The following AFG3L2 variants were observed in gnomAD, a reference collection of about 807,000 sequenced individuals.
The protein encoded by AFG3L2 is AFG3 like matrix AAA peptidase subunit 2.
In AFG3L2, 54 loss-of-function variants were observed where a neutral mutation model predicts 94.5. The observed-to-expected ratio is 0.57, with a 90% CI of 0.46 to 0.72. The LOEUF (loss-of-function observed/expected upper bound fraction) is 0.72. AFG3L2 is among the 30% of genes least tolerant of loss of function. AFG3L2 has a pLI of 0.00. For missense variants in AFG3L2, 754 were observed against 994.9 expected (o/e 0.76, Z 3.26); for synonymous variants, 377 against 365.5 (o/e 1.03, Z -0.36).
chr18:12,351,122 C>T lies in AFG3L2; in HGVS notation c.1515G>A (p.Leu505=), dbSNP rs1290147894. 6.2e-7 allele frequency: 1 copy of T among 1,613,548 alleles called. No individual in the cohort carries two copies. The highest frequency in any genetic ancestry group is 1.3e-5 in the African/African-American group (1 of 74,906). The change falls in exon 12 of 17, where the codon TTG becomes TTA. Residue 505 remains leucine (L), a synonymous_variant. Coordinates refer to ENST00000269143, the MANE Select transcript of AFG3L2 (RefSeq NM_006796.3). The stretch of plus-strand genomic sequence containing the variant: ...GAGTTAAAGATGCCAGTTTTCTTGC[C>T]AATTTATCCTTCTCCAGGGTACTGT... ...KLDSTLEKDK[L]ARKLASLTPG... is the part of the protein sequence containing the mutation.
intron 6 of AFG3L2, among the ~76,000 whole-genome samples, chr18:12,360,478 T>C (rs2143197693): frequency 6.6e-6 from 1 of 152,322 alleles, no homozygotes; most frequent in East Asian, 1.9e-4. Context: ...CCAGGCATTG[T>C]TCTGGGCCCT....
intron 16 of AFG3L2, among the ~76,000 whole-genome samples, chr18:12,330,024 T>A (rs1450279187): frequency 6.6e-6 from 1 of 152,202 alleles, no homozygotes; most frequent in Non-Finnish European, 1.5e-5. Context: ...GCACAATGAA[T>A]GCTGACCATC....
chr18:12,329,081 T>C lies in AFG3L2; in HGVS notation c.*484A>G, dbSNP rs565352114. The C allele has an allele frequency of 1.8e-4, 127 of 700,964 alleles. No homozygotes were observed. Among genetic ancestry groups the C allele is most frequent in the Admixed American group, 4.2e-4 (21 of 49,848 alleles). The allele number at this position is 700,964 out of a possible 1,614,324, so 43.4% of individuals were successfully genotyped here. ...TTAAGACAGCAACAAGTGATCTGGA[T>C]TCAATCTTTAAAATATTAAGTCAAA... On this transcript the variant is annotated 3_prime_UTR_variant, in exon 17 of 17. Coordinates refer to ENST00000269143, the MANE Select transcript of AFG3L2 (RefSeq NM_006796.3).
chr18:12,360,210 T>A, intron 6 of AFG3L2, 159 bp from the exon 7 acceptor site: 1 of 714,592 alleles, frequency 1.4e-6, no homozygotes, highest in Non-Finnish European at 2.3e-6. Context: ...ATGGTGGTGA[T>A]TAAATGTCAC....
At chr18:12,374,720 C>A (rs533224230) in intron 1 of AFG3L2, among the ~76,000 whole-genome samples, 1 of 152,230 alleles carries the variant, frequency 6.6e-6, no homozygotes, top group South Asian at 2.1e-4. Flanking sequence ...AATGCAGATC[C>A]CCACCTGGAA....
chr18:12,340,249 A>G lies in AFG3L2; in HGVS notation c.1932T>C (p.Thr644=). ...CTTTTCTCAAGTCATCTTGAGCACCAGTTGTAATTCTTCCAAAGAAGATTT... is the reference window on the plus strand; with the variant it reads ...CTTTTCTCAAGTCATCTTGAGCACCGGTTGTAATTCTTCCAAAGAAGATTT... ...SEEIFFGRIT[T]GAQDDLRKVT... is the part of the protein sequence containing the mutation. The change falls in exon 15 of 17, where the codon ACT becomes ACC. Residue 644 remains threonine, a synonymous_variant. Coordinates refer to ENST00000269143, the MANE Select transcript of AFG3L2 (RefSeq NM_006796.3). 6.2e-7 allele frequency: 1 copy of G among 1,614,148 alleles called. No individual in the cohort carries two copies. Among genetic ancestry groups the G allele is most frequent in the Non-Finnish European group, 8.5e-7 (1 of 1,180,028 alleles).
At chr18:12,333,112 TTA>T (rs1907620508) in intron 16 of AFG3L2, among the ~76,000 whole-genome samples, 1 of 85,914 alleles carries the variant, frequency 1.2e-5, no homozygotes, top group Admixed American at 1.6e-4. Flanking sequence ...TATATAACTA[TTA>T]TATAATAGAT....
At chr18:12,331,058 T>C (rs1431147409) in intron 16 of AFG3L2, among the ~76,000 whole-genome samples, 1 of 152,230 alleles carries the variant, frequency 6.6e-6, no homozygotes, top group Non-Finnish European at 1.5e-5. Context: ...TTTCAGTCAA[T>C]GATGGGCCCC....
intron 8 of AFG3L2, among the ~76,000 whole-genome samples, chr18:12,358,337 G>C (rs1419494953): frequency 6.6e-6 from 1 of 152,254 alleles, no homozygotes; most frequent in Non-Finnish European, 1.5e-5. Flanking sequence ...CTGGGTGACA[G>C]CAGAGTGTGA....
chr18:12,340,280 G>A lies in AFG3L2; in HGVS notation c.1901C>T (p.Ser634Phe). ...AATTCTTCCAAAGAAGATTTCTTCA[G>A]AGACTCGACCACCTAAAGTCATACA... ...RMCMTLGGRV[S>F]EEIFFGRITT... The change falls in exon 15 of 17, where the codon TCT (serine) becomes TTT (phenylalanine). Residue 634 changes from serine to phenylalanine, a missense_variant. Ser to Phe is a radical substitution (Grantham distance 155). Around this residue, in one of 4 missense-constraint regions of AFG3L2, gnomAD observed 279 missense variants for 378.6 expected, o/e 0.74. Coordinates refer to ENST00000269143, the MANE Select transcript of AFG3L2 (RefSeq NM_006796.3). The A allele has an allele frequency of 6.2e-7, 1 of 1,614,164 alleles. No homozygotes were observed. Among genetic ancestry groups the A allele is most frequent in the Non-Finnish European group, 8.5e-7 (1 of 1,180,030 alleles).
chr18:12,366,279 A>G (rs1239148561), intron 5 of AFG3L2, among the ~76,000 whole-genome samples: 2 of 152,200 alleles, frequency 1.3e-5, no homozygotes, highest in African/African-American at 4.8e-5. Flanking sequence ...ATCTTATTAG[A>G]TTTGTCTTAG....
intron 9 of AFG3L2, 133 bp downstream of exon 9, chr18:12,356,561 G>C (rs1259418462): frequency 7.7e-7 from 1 of 1,294,012 alleles, no homozygotes; most frequent in South Asian, 1.2e-5. Flanking sequence ...GCCTGGAGGA[G>C]AGCTCAGGCC....
At chr18:12,374,137 C>A (rs906943460) in intron 1 of AFG3L2, among the ~76,000 whole-genome samples, 1 of 152,192 alleles carries the variant, frequency 6.6e-6, no homozygotes, top group Non-Finnish European at 1.5e-5. Flanking sequence ...TAATCCGTGA[C>A]TGAATTTAAC....
Position 12,344,202 on chromosome 18 carries a change from G to T in AFG3L2, c.1709C>A (p.Thr570Asn), listed in dbSNP as rs1598825323. The change falls in exon 14 of 17, where the codon ACT (threonine) becomes AAT (asparagine). Residue 570 changes from threonine (T) to asparagine (N), a missense_variant. Coordinates refer to ENST00000269143, the MANE Select transcript of AFG3L2 (RefSeq NM_006796.3). ...TQVLQPEEKK[T>N]VAYHEAGHAV... is the part of the protein sequence containing the mutation. Reference sequence around the variant, plus strand: ...ATGGCCTGCTTCGTGGTATGCCACAGTCTTCTTCTCCTCAGGCTGCAGAAC... The same window carrying T: ...ATGGCCTGCTTCGTGGTATGCCACATTCTTCTTCTCCTCAGGCTGCAGAAC... 6.2e-7 allele frequency: 1 copy of T among 1,614,180 alleles called. No individual in the cohort carries two copies. The highest frequency in any genetic ancestry group is 8.5e-7 in the Non-Finnish European group (1 of 1,180,042).
chr18:12,346,514 T>C (rs781605554), intron 13 of AFG3L2, among the ~76,000 whole-genome samples: 6 of 152,216 alleles, frequency 3.9e-5, no homozygotes, highest in Admixed American at 2.0e-4. Context: ...CCTGATAAGC[T>C]GTGGGCTCAT....
intron 10 of AFG3L2, 38 bp from the exon 11 acceptor site, chr18:12,351,451 A>G: frequency 6.4e-7 from 1 of 1,568,906 alleles, no homozygotes; most frequent in South Asian, 1.1e-5. Flanking sequence ...ATTAAATGAC[A>G]AGAGGCAGAA....
In AFG3L2 at chr18:12,347,090, G is replaced by A. The variant is rs7243181; in HGVS notation, c.1663+1183C>T. ...TGCAGTGAGCCGAGATTGTGCCACT[G>A]CACCCCAGCCTGGGTGACAGAATGA... On this transcript the variant is annotated intron_variant, in intron 13 of 16. Coordinates refer to ENST00000269143, the MANE Select transcript of AFG3L2 (RefSeq NM_006796.3). Among the ~76,000 whole-genome samples, 1,294 of 152,188 alleles carry A rather than the reference G, an allele frequency of 8.5e-3. 19 individuals are homozygous for A. The highest frequency in any genetic ancestry group is 0.029 in the African/African-American group (1,196 of 41,522).
chr18:12,332,326 T>C (rs1025071064), intron 16 of AFG3L2, among the ~76,000 whole-genome samples: 3 of 152,104 alleles, frequency 2.0e-5, no homozygotes, highest in Admixed American at 2.0e-4. Context: ...GGTTTCACCA[T>C]GTTGGCCAGG....
intron 12 of AFG3L2, among the ~76,000 whole-genome samples, chr18:12,349,593 G>A (rs1908249378): frequency 6.6e-6 from 1 of 152,208 alleles, no homozygotes; most frequent in Non-Finnish European, 1.5e-5. Flanking sequence ...TCTGATGCCT[G>A]CCACAATTTG....
Sources: gnomAD v4.1 joint callset for allele counts (sites outside exome capture counted in the v4.1 genomes callset) on GRCh38, gnomAD v4.1.1 for gene constraint, gnomAD v4.1.1 regional missense constraint, MANE v1.5 for transcripts, NCBI Gene and HGNC (gene_info 2026-07-23, HGNC 2026-07-21) for gene names.